ANKRD50: variants seen among roughly 807,000 people sequenced by gnomAD.
ANKRD50 encodes ankyrin repeat domain-containing protein 50.
In ANKRD50, 40 loss-of-function variants were observed where a neutral mutation model predicts 112.0. The ratio of observed to expected loss-of-function variants is 0.36; its 90% CI spans 0.28 to 0.46. The LOEUF (loss-of-function observed/expected upper bound fraction) is 0.46, where lower values mean the gene tolerates loss of function less well. Ranked by LOEUF, ANKRD50 falls within the 20% of genes least tolerant of loss-of-function variation. ANKRD50 has a pLI of 1.00. For synonymous variants in ANKRD50, 613 were observed against 619.1 expected (o/e 0.99, Z 0.15); for missense variants, 1,487 against 1,701.7 (o/e 0.87, Z 2.22).
intron 2 of ANKRD50, among the ~76,000 whole-genome samples, chr4:124,690,405 C>T (rs896314191): frequency 1.3e-5 from 2 of 152,260 alleles, no homozygotes; most frequent in African/African-American, 2.4e-5. Flanking sequence ...TACCAGCTAA[C>T]CTTTGAGGAG....
chr4:124,680,148 A>C (rs1011373044), intron 2 of ANKRD50, among the ~76,000 whole-genome samples: 1 of 152,184 alleles, frequency 6.6e-6, no homozygotes, highest in African/African-American at 2.4e-5. Flanking sequence ...CACTCCACTA[A>C]CAAATTTGCA....
intron 2 of ANKRD50, among the ~76,000 whole-genome samples, chr4:124,684,069 T>C (rs1704599538): frequency 6.6e-6 from 1 of 152,160 alleles, no homozygotes; most frequent in African/African-American, 2.4e-5. Flanking sequence ...ATGCAACTGT[T>C]TAACTTGGGC....
rs1730512871 is a variant in ANKRD50 at position 124,667,138 on chromosome 4, A to G, written c.*380T>C. 1 of 152,058 alleles carries G rather than the reference A, an allele frequency of 6.6e-6. No homozygotes were observed. Among genetic ancestry groups the G allele is most frequent in the Admixed American group, 6.6e-5 (1 of 15,238 alleles). 9.4% of individuals were successfully genotyped at this position (152,058 alleles called of 1,614,324 possible). A position where few individuals can be genotyped will look rare whatever the true frequency, so the allele number is the denominator to read the frequency against. ...TTTTGCCACAAAAAGAAAAAAAAAT[A>G]AATACAAGGAACACTGCCTTTTCAT... On this transcript the variant is annotated 3_prime_UTR_variant, in exon 5 of 5. Coordinates refer to ENST00000504087, the MANE Select transcript of ANKRD50 (RefSeq NM_020337.3).
At position 124,689,237 on chromosome 4, in the gene ANKRD50, G is replaced by A. The variant is rs2110518539; in HGVS notation, c.513-10332C>T. 4.6e-5 allele frequency among the ~76,000 whole-genome samples: 7 copies of A among 152,226 alleles called. No individual in the cohort carries two copies. In the Middle Eastern group the frequency reaches 0.024, roughly 518 times the overall value. On this transcript the variant is annotated intron_variant, in intron 2 of 4. Transcript: ENST00000504087. ...GATGATTTATAAATATTTATGGAAT[G>A]AATGAATGAATGGGTTTATTTCATT...
rs780484052 is a variant in ANKRD50, at chr4:124,671,098, G to A, written c.2179C>T (p.His727Tyr). Residue 727 changes from histidine (H) to tyrosine (Y), a missense_variant, in exon 4 of 5, where the codon CAC (histidine) becomes TAC (tyrosine). His to Tyr is a moderately conservative substitution (Grantham distance 83, BLOSUM62 2). Coordinates refer to ENST00000504087, the MANE Select transcript of ANKRD50 (RefSeq NM_020337.3). ...AALCVPASKGHASVVSLLIDR... is the reference protein window; with the variant it reads ...AALCVPASKGYASVVSLLIDR... The stretch of plus-strand genomic sequence containing the variant: ...ATTAAAAGGCTAACAACTGATGCGT[G>A]CCCTTTACTTGCAGGCACACAAAGT... 1 of 1,613,748 alleles carries A rather than the reference G, an allele frequency of 6.2e-7. No individual in the cohort carries two copies. Among genetic ancestry groups the A allele is most frequent in the Non-Finnish European group, 8.5e-7 (1 of 1,179,840 alleles).
intron 2 of ANKRD50, among the ~76,000 whole-genome samples, chr4:124,695,074 G>T (rs1275251775): frequency 6.6e-6 from 1 of 152,004 alleles, no homozygotes; most frequent in Non-Finnish European, 1.5e-5. Context: ...AATAAAATTG[G>T]AAAGAGCCAG....
chr4:124,676,119 T>C (rs1472406695), intron 3 of ANKRD50, among the ~76,000 whole-genome samples: 2 of 151,728 alleles, frequency 1.3e-5, no homozygotes, highest in African/African-American at 2.4e-5. Context: ...CAGAAAGATA[T>C]GTGTAGGACA....
In ANKRD50 at chr4:124,664,426, T is replaced by G. The variant is rs1463312787; in HGVS notation, c.*3092A>C. On this transcript the variant is annotated 3_prime_UTR_variant, in exon 5 of 5. Transcript: ENST00000504087. ...ACTTAAAACAACTAACAGTTGTTTA[T>G]GCTATATGCATATCATGCATGTTCT... The G allele has an allele frequency of 1.3e-5, 2 of 152,368 alleles. No individual in the cohort carries two copies. The highest frequency in any genetic ancestry group is 2.9e-5 in the Non-Finnish European group (2 of 67,926). 9.4% of individuals were successfully genotyped at this position (152,368 alleles called of 1,614,324 possible).
chr4:124,669,858 C>G lies in ANKRD50; in HGVS notation c.3419G>C (p.Ser1140Thr). The change falls in exon 4 of 5, where the codon AGT (serine) becomes ACT (threonine). Residue 1140 changes from serine (S) to threonine (T), a missense_variant. Physicochemically the swap from Ser to Thr is moderately conservative, Grantham distance 58. Coordinates refer to ENST00000504087, the MANE Select transcript of ANKRD50 (RefSeq NM_020337.3). ...AGGCTGCATATCCCCTCCACCAGTACTACCAGAGCTATTTGATTTAATTGT... is the reference window on the plus strand; with the variant it reads ...AGGCTGCATATCCCCTCCACCAGTAGTACCAGAGCTATTTGATTTAATTGT... ...SLTIKSNSSG[S>T]TGGGDMQPSL... The G allele has an allele frequency of 6.2e-7, 1 of 1,612,758 alleles. No homozygotes were observed. Among genetic ancestry groups the G allele is most frequent in the Non-Finnish European group, 8.5e-7 (1 of 1,179,626 alleles).
intron 3 of ANKRD50, among the ~76,000 whole-genome samples, chr4:124,674,678 G>A (rs1478382154): frequency 6.6e-6 from 1 of 151,656 alleles, no homozygotes; most frequent in Non-Finnish European, 1.5e-5. Context: ...GTTTGACAGG[G>A]GAATGAAGAG....
chr4:124,672,293 T>C lies in ANKRD50; in HGVS notation c.984A>G (p.Gly328=), dbSNP rs1730679790. The C allele has an allele frequency of 6.2e-7, 1 of 1,613,596 alleles. No individual in the cohort carries two copies. Among genetic ancestry groups the C allele is most frequent in the African/African-American group, 1.3e-5 (1 of 74,976 alleles). ...IMLREIRDIP[G]TLNGLYLWLC... ...GCCAGAGATATAAACCATTTAGAGT[T>C]CCTGGGATGTCACGAATTTCTCTTA... is the stretch of plus-strand genomic sequence containing the variant. The change falls in exon 4 of 5, where the codon GGA becomes GGG. Residue 328 remains glycine (G), a synonymous_variant. Transcript: ENST00000504087.
In ANKRD50 at chr4:124,709,700, C is replaced by G. The variant is rs558500263; in HGVS notation, c.512+300G>C. Among the ~76,000 whole-genome samples, 4 of 152,006 alleles carry G rather than the reference C, an allele frequency of 2.6e-5. No individual in the cohort carries two copies. In the East Asian group the frequency reaches 7.7e-4, roughly 29 times the overall value. On this transcript the variant is annotated intron_variant, in intron 2 of 4. Coordinates refer to ENST00000504087, the MANE Select transcript of ANKRD50 (RefSeq NM_020337.3). Reference sequence around the variant, plus strand: ...ACCTATTTCCAGACAGCTAAATGTGCTTCTCTACCATAAGAACAAATTTCC... The same window carrying G: ...ACCTATTTCCAGACAGCTAAATGTGGTTCTCTACCATAAGAACAAATTTCC...
intron 3 of ANKRD50, 82 bp from the exon 4 acceptor site, chr4:124,672,616 AT>A: frequency 2.1e-6 from 2 of 931,872 alleles, no homozygotes; most frequent in South Asian, 3.6e-5. Flanking sequence ...ATGTCAACAT[AT>A]AATAAATAAA....
chr4:124,672,127 CTT>C lies in ANKRD50; in HGVS notation c.1148_1149del (p.Glu383GlyfsTer15). Reference protein sequence around the residue: ...VWTKNMSLTLEDFQRKLDILS... With the variant: ...VWTKNMSLTLXDFQRKLDILS... ...AGGATATCTAACTTGCGTTGAAAAT[CTT>C]CCAAAGTTAACGACATGTTTTTGGT... is the stretch of plus-strand genomic sequence containing the variant. On this transcript the variant is annotated frameshift_variant, in exon 4 of 5. Transcript: ENST00000504087. LOFTEE classifies it high-confidence loss of function. 6.2e-7 allele frequency: 1 copy of C among 1,613,880 alleles called. No individual in the cohort carries two copies. Among genetic ancestry groups the C allele is most frequent in the Non-Finnish European group, 8.5e-7 (1 of 1,179,852 alleles).
chr4:124,682,378 A>C (rs1262908045), intron 2 of ANKRD50, among the ~76,000 whole-genome samples: 1 of 150,824 alleles, frequency 6.6e-6, no homozygotes, highest in African/African-American at 2.4e-5. Context: ...GTTGCTGGGC[A>C]GACTGTTCTG....
chr4:124,686,191 T>C (rs1348321321), intron 2 of ANKRD50, among the ~76,000 whole-genome samples: 3 of 152,202 alleles, frequency 2.0e-5, no homozygotes, highest in African/African-American at 7.2e-5. Flanking sequence ...GATGAACAGA[T>C]TGAACATGAA....
chr4:124,672,852 G>T (rs1730694561), intron 3 of ANKRD50, among the ~76,000 whole-genome samples: 1 of 151,936 alleles, frequency 6.6e-6, no homozygotes. Flanking sequence ...AAAGTACCCA[G>T]TTAACATCAT....
Position 124,669,720 on chromosome 4 carries a change from CT to C in ANKRD50, c.3556del (p.Ser1186AlafsTer7). 1 of 1,612,968 alleles carries C rather than the reference CT, an allele frequency of 6.2e-7. No individual in the cohort carries two copies. The highest frequency in any genetic ancestry group is 8.5e-7 in the Non-Finnish European group (1 of 1,179,720). On this transcript the variant is annotated frameshift_variant, in exon 4 of 5. Transcript: ENST00000504087. LOFTEE classifies it high-confidence loss of function. ...AGTTCTCAAAGATGAATTTTTTGAG[CT>C]TTTCAGGGAATTATTTGACAGTGAT... ...KSSLSNNSLK[S>X]SKNSSLRTTS...
At position 124,669,137 on chromosome 4, in the gene ANKRD50, T is replaced by C. The variant is rs1730567285; in HGVS notation, c.4140A>G (p.Ser1380=). Residue 1380 remains serine, a synonymous_variant, in exon 4 of 5, where the codon TCA becomes TCG. Transcript: ENST00000504087. The stretch of plus-strand genomic sequence containing the variant: ...CTCTATCTTGCATTGTTCGTGGGAC[T>C]GAAACCCTACCAAGAAAAACCTGGT... ...QSNQVFLGRV[S]VPRTMQDRGH... 1 of 1,613,692 alleles carries C rather than the reference T, an allele frequency of 6.2e-7. No homozygotes were observed. Among genetic ancestry groups the C allele is most frequent in the Non-Finnish European group, 8.5e-7 (1 of 1,179,762 alleles).
Sources: gnomAD v4.1 joint callset for allele counts (sites outside exome capture counted in the v4.1 genomes callset) on GRCh38, gnomAD v4.1.1 for gene constraint, MANE v1.5 for transcripts, NCBI Gene and HGNC (gene_info 2026-07-23, HGNC 2026-07-21) for gene names.